Variants in GOT1 observed in about 807,000 individuals in gnomAD.
GOT1 encodes the protein glutamic-oxaloacetic transaminase 1.
Under a neutral mutation model 48.2 loss-of-function variants are expected in GOT1, and 25 were observed. The ratio of observed to expected loss-of-function variants is 0.52; its 90% CI spans 0.38 to 0.72. The LOEUF is 0.72. Ranked by LOEUF, GOT1 falls within the 30% of genes least tolerant of loss-of-function variation. GOT1 has a pLI of 0.00. For synonymous variants in GOT1, 188 were observed against 193.8 expected (o/e 0.97, Z 0.25); for missense variants, 380 against 520.1 (o/e 0.73, Z 2.62).
intron 2 of GOT1, among the ~76,000 whole-genome samples, chr10:99,420,078 C>G (rs2134107476): frequency 6.6e-6 from 1 of 152,266 alleles, no homozygotes; most frequent in African/African-American, 2.4e-5. Context: ...GCTCCTGAAC[C>G]CTTGAAGGGC....
rs772704095 is a variant in GOT1 at position 99,403,829 on chromosome 10, C to T, written c.688G>A (p.Ala230Thr). 10 of 1,614,020 alleles carry T rather than the reference C, an allele frequency of 6.2e-6. No individual in the cohort carries two copies. The Admixed American group carries it at 1.0e-4, about 16-fold the overall frequency. ...PFFDSAYQGFASGNLERDAWA... is the reference protein window; with the variant it reads ...PFFDSAYQGFTSGNLERDAWA... ...GCATCTCTCTCCAGGTTTCCAGATG[C>T]GAAGCCCTGATAGGCTGAGTCAAAG... The change falls in exon 6 of 9, where the codon GCA becomes ACA. Residue 230 changes from alanine (A) to threonine (T), a missense_variant. Physicochemically the swap from Ala to Thr is moderately conservative, Grantham distance 58 (BLOSUM62 0). Transcript: ENST00000370508.
chr10:99,406,824 C>A lies in GOT1; in HGVS notation c.326G>T (p.Gly109Val). Residue 109 changes from glycine (G) to valine (V), a missense_variant, in exon 3 of 9, where the codon GGA (glycine) becomes GTA (valine). Physicochemically the swap from Gly to Val is moderately radical, Grantham distance 109. Coordinates refer to ENST00000370508, the MANE Select transcript of GOT1 (RefSeq NM_002079.3). The part of the protein sequence containing the change: ...KRVGGVQSLG[G>V]TGALRIGADF... The stretch of plus-strand genomic sequence containing the variant: ...AGCTCCAATTCGAAGTGCACCTGTT[C>A]CCCCCAAAGATTGCACACCTCCTAC... 6.2e-7 allele frequency: 1 copy of A among 1,613,302 alleles called. No individual in the cohort carries two copies. The highest frequency in any genetic ancestry group is 1.1e-5 in the South Asian group (1 of 91,042).
In GOT1 at chr10:99,403,591, C is replaced by G; in HGVS notation, c.837G>C (p.Glu279Asp). 6.2e-7 allele frequency: 1 copy of G among 1,614,130 alleles called. No homozygotes were observed. The highest frequency in any genetic ancestry group is 8.5e-7 in the Non-Finnish European group (1 of 1,180,022). Residue 279 changes from glutamate to aspartate, a missense_variant, in exon 7 of 9, where the codon GAG becomes GAC. By Grantham distance (45) the Glu-to-Asp change is conservative (BLOSUM62 2). Transcript: ENST00000370508. ...GNLTVVGKEP[E>D]SILQVLSQME... ...TCTGGGAAAGGACTTGCAGGATGCT[C>G]TCAGGTTCTTTTCCAACCACAGTCA...
intron 1 of GOT1, among the ~76,000 whole-genome samples, chr10:99,429,053 CTT>C (rs779414711): frequency 3.5e-5 from 5 of 144,914 alleles, no homozygotes; most frequent in East Asian, 2.0e-4. Flanking sequence ...TTAGTGAAGA[CTT>C]TTTTTTTTTT....
intron 8 of GOT1, among the ~76,000 whole-genome samples, chr10:99,401,991 A>G (rs1313934027): frequency 6.6e-6 from 1 of 151,570 alleles, no homozygotes; most frequent in Non-Finnish European, 1.5e-5. Context: ...TGTATTTTTA[A>G]TAGACACGGG....
At chr10:99,399,594 GACCCTGTCTCT>G (rs778189542) in intron 8 of GOT1, among the ~76,000 whole-genome samples, 300 of 151,854 alleles carry the variant, frequency 2.0e-3, no homozygotes, top group Non-Finnish European at 3.0e-3. Context: ...ATCATAAGGA[GACCCTGTCTCT>G]ACAAAAAAAT....
At chr10:99,415,828 C>G (rs2032887571) in intron 2 of GOT1, among the ~76,000 whole-genome samples, 2 of 152,114 alleles carry the variant, frequency 1.3e-5, no homozygotes, top group South Asian at 4.1e-4. Flanking sequence ...TAAACAGAAC[C>G]AAAGCCAAAA....
In GOT1 at chr10:99,397,301, C is replaced by T. The variant is rs185511515; in HGVS notation, c.*246G>A. The T allele has an allele frequency of 2.3e-3, 1,131 of 487,240 alleles. 2 individuals carry two copies. Among genetic ancestry groups the T allele is most frequent in the Non-Finnish European group, 3.8e-3 (1,018 of 270,028 alleles). 30.2% of individuals were successfully genotyped at this position (487,240 alleles called of 1,614,324 possible). On this transcript the variant is annotated 3_prime_UTR_variant, in exon 9 of 9. Coordinates refer to ENST00000370508, the MANE Select transcript of GOT1 (RefSeq NM_002079.3). The surrounding 1 kb of genome is among the most constrained non-coding windows in gnomAD (Gnocchi z 5.4). ...ATACCTATGTCTCATGATCAAAGTACTCTTTTATTCTTAAATAAAAATCTT... is the reference window on the plus strand; with the variant it reads ...ATACCTATGTCTCATGATCAAAGTATTCTTTTATTCTTAAATAAAAATCTT...
Position 99,397,308 on chromosome 10 carries a change from A to G in GOT1, c.*239T>C. 1 of 512,810 alleles carries G rather than the reference A, an allele frequency of 2.0e-6. No homozygotes were observed. The highest frequency in any genetic ancestry group is 3.5e-6 in the Non-Finnish European group (1 of 284,892). The allele number at this position is 512,810 out of a possible 1,614,324, so 31.8% of individuals were successfully genotyped here. A position where few individuals can be genotyped will look rare whatever the true frequency, so the allele number is the denominator to read the frequency against. On this transcript the variant is annotated 3_prime_UTR_variant, in exon 9 of 9. Transcript: ENST00000370508. The surrounding 1 kb of genome is among the most constrained non-coding windows in gnomAD (Gnocchi z 5.4). Reference sequence around the variant, plus strand: ...TGTCTCATGATCAAAGTACTCTTTTATTCTTAAATAAAAATCTTAATTTGC... The same window carrying G: ...TGTCTCATGATCAAAGTACTCTTTTGTTCTTAAATAAAAATCTTAATTTGC...
chr10:99,402,646 T>G lies in GOT1; in HGVS notation c.1036A>C (p.Lys346Gln). The G allele has an allele frequency of 6.2e-7, 1 of 1,614,136 alleles. No homozygotes were observed. Among genetic ancestry groups the G allele is most frequent in the Non-Finnish European group, 8.5e-7 (1 of 1,179,954 alleles). ...SELRARLEAL[K>Q]TPGTWNHITD... ...ATGTGGTTCCAGGTCCCAGGGGTTT[T>G]GAGGGCTTCTAGTCGTGCCCTGAGT... Residue 346 changes from lysine (K) to glutamine (Q), a missense_variant, in exon 8 of 9, where the codon AAA (lysine) becomes CAA (glutamine). Coordinates refer to ENST00000370508, the MANE Select transcript of GOT1 (RefSeq NM_002079.3).
Position 99,397,407 on chromosome 10 carries a change from T to G in GOT1, c.*140A>C. 3.4e-6 allele frequency: 3 copies of G among 879,680 alleles called. No homozygotes were observed. The highest frequency in any genetic ancestry group is 5.5e-6 in the Non-Finnish European group (3 of 543,556). 54.5% of individuals were successfully genotyped at this position (879,680 alleles called of 1,614,324 possible). ...ATGTTCTCTTCATGTGGGGCCGGTT[T>G]AAACAGAGGCTGCCTCACCAGAGCA... On this transcript the variant is annotated 3_prime_UTR_variant, in exon 9 of 9. Coordinates refer to ENST00000370508, the MANE Select transcript of GOT1 (RefSeq NM_002079.3). This position sits in a 1 kb window ranked among gnomAD's most constrained non-coding sequence, Gnocchi z 5.4.
intron 2 of GOT1, among the ~76,000 whole-genome samples, chr10:99,408,885 T>G (rs982384000): frequency 2.0e-5 from 3 of 152,118 alleles, no homozygotes; most frequent in African/African-American, 7.2e-5. Context: ...GTATTAGTCA[T>G]AAAATTTTAC....
intron 2 of GOT1, among the ~76,000 whole-genome samples, chr10:99,416,410 G>C (rs1166261016): frequency 6.6e-6 from 1 of 152,160 alleles, no homozygotes; most frequent in African/African-American, 2.4e-5. Flanking sequence ...TCTTCAAGGA[G>C]AACTACAAAC....
Position 99,404,036 on chromosome 10 carries a change from C to T in GOT1, c.643-162G>A, listed in dbSNP as rs144946245. Among the ~76,000 whole-genome samples, 8 of 152,332 alleles carry T rather than the reference C, an allele frequency of 5.3e-5. No individual in the cohort carries two copies. In the East Asian group the frequency reaches 1.5e-3, roughly 29 times the overall value. On this transcript the variant is annotated intron_variant, in intron 5 of 8. Coordinates refer to ENST00000370508, the MANE Select transcript of GOT1 (RefSeq NM_002079.3). ...CAAGCTCCACTTTACATCCATTTCTCTCTACAACCAACAAGTGTAACCTTT... is the reference window on the plus strand; with the variant it reads ...CAAGCTCCACTTTACATCCATTTCTTTCTACAACCAACAAGTGTAACCTTT...
At chr10:99,410,728 G>A (rs1480877946) in intron 2 of GOT1, among the ~76,000 whole-genome samples, 1 of 152,206 alleles carries the variant, frequency 6.6e-6, no homozygotes, top group Non-Finnish European at 1.5e-5. Context: ...TGGTCATTCT[G>A]TGAACTGATT....
At chr10:99,415,977 C>T (rs2134104875) in intron 2 of GOT1, among the ~76,000 whole-genome samples, 1 of 152,268 alleles carries the variant, frequency 6.6e-6, no homozygotes, top group East Asian at 1.9e-4. Context: ...AAACCCACAG[C>T]CAATATCATA....
At chr10:99,422,143 A>G (rs4917866) in intron 1 of GOT1, among the ~76,000 whole-genome samples, 8,530 of 152,226 alleles carry the variant, frequency 0.056, 358 homozygotes, top group Middle Eastern at 0.1. Context: ...TGTTCTTGTG[A>G]CAGTGAGTGA....
At chr10:99,405,175 G>A (rs911002379) in intron 5 of GOT1, among the ~76,000 whole-genome samples, 1 of 152,158 alleles carries the variant, frequency 6.6e-6, no homozygotes, top group Non-Finnish European at 1.5e-5. Flanking sequence ...ATACACAGCA[G>A]TTCCTTAATA....
At chr10:99,415,570 A>G (rs368090558) in intron 2 of GOT1, among the ~76,000 whole-genome samples, 1 of 152,024 alleles carries the variant, frequency 6.6e-6, no homozygotes, top group Non-Finnish European at 1.5e-5. Flanking sequence ...GAAAAAGAGG[A>G]AATCCTCCCT....
Sources: allele counts gnomAD v4.1 joint callset (sites outside exome capture counted in the v4.1 genomes callset), GRCh38; gene constraint gnomAD v4.1.1; non-coding constraint Gnocchi (gnomAD v3.1); transcripts MANE v1.5; gene names NCBI Gene and HGNC (gene_info 2026-07-23, HGNC 2026-07-21).